Variants in CLEC4F observed in about 807,000 individuals in gnomAD.
CLEC4F encodes C-type (calcium dependent, carbohydrate-recognition domain) lectin, superfamily member 13.
A neutral mutation model predicts 53.4 loss-of-function variants in CLEC4F; 45 were observed. That is an observed-to-expected ratio of 0.84 (90% confidence interval 0.66 to 1.08). The LOEUF is 1.08. CLEC4F is among the 50% of genes least tolerant of loss of function. The probability of loss-of-function intolerance (pLI) is 0.00; values close to 1 mark genes in which losing one functional copy is unlikely to be tolerated. For synonymous variants in CLEC4F, 245 were observed against 257.5 expected (o/e 0.95, Z 0.46); for missense variants, 753 against 698.2 (o/e 1.08, Z -0.88).
Position 70,816,166 on chromosome 2 carries a change from G to A in CLEC4F, c.1215C>T (p.Ser405=). 1 of 1,614,180 alleles carries A rather than the reference G, an allele frequency of 6.2e-7. No homozygotes were observed. The highest frequency in any genetic ancestry group is 8.5e-7 in the Non-Finnish European group (1 of 1,180,044). The part of the protein sequence containing the change: ...QGMKNASALT[S]QTQMLDSNLQ... ...GATTGCTGTCTAACATCTGGGTCTG[G>A]GAAGTTAAGGCTGAAGCATTCTTCA... Residue 405 remains serine (S), a synonymous_variant, in exon 4 of 7, where the codon TCC becomes TCT. Coordinates refer to ENST00000272367, the MANE Select transcript of CLEC4F (RefSeq NM_173535.3).
chr2:70,822,546 C>G (rs944591457), upstream of CLEC4F, among the ~76,000 whole-genome samples: 4 of 152,142 alleles, frequency 2.6e-5, no homozygotes, highest in Admixed American at 6.5e-5. Flanking sequence ...TGTCCCTGTC[C>G]CTGCCACAGG....
At chr2:70,824,080 G>T (rs1265647174), upstream of CLEC4F, among the ~76,000 whole-genome samples, 1 of 148,992 alleles carries the variant, frequency 6.7e-6, no homozygotes, top group South Asian at 2.2e-4. Flanking sequence ...TGGGACTAAA[G>T]CCAAACCAGA....
chr2:70,823,304 C>G (rs1677273316), upstream of CLEC4F, among the ~76,000 whole-genome samples: 1 of 152,182 alleles, frequency 6.6e-6, no homozygotes, highest in African/African-American at 2.4e-5. Context: ...GCCTGAGATC[C>G]CAGTGGTGTC....
chr2:70,820,267 G>C (rs72907960), intron 1 of CLEC4F, among the ~76,000 whole-genome samples, 196 bp downstream of exon 1: 8,669 of 152,296 alleles, frequency 0.057, 866 homozygotes, highest in African/African-American at 0.2. Flanking sequence ...GACCAGCTCA[G>C]TGTGCAGAGC....
chr2:70,822,651 G>T (rs1422054038), upstream of CLEC4F, among the ~76,000 whole-genome samples: 1 of 152,174 alleles, frequency 6.6e-6, no homozygotes, highest in Non-Finnish European at 1.5e-5. Context: ...CTGTTCTTTG[G>T]TTCCTTCTTG....
At chr2:70,820,381 A>T in intron 1 of CLEC4F, 82 bp downstream of exon 1, 2 of 1,282,836 alleles carry the variant, frequency 1.6e-6, no homozygotes, top group Non-Finnish European at 1.1e-6. Flanking sequence ...TAAGACAGCA[A>T]TAAGCTGCCT....
At position 70,817,119 on chromosome 2, in the gene CLEC4F, G is replaced by T; in HGVS notation, c.269-7C>A. On this transcript the variant is annotated splice_region_variant and splice_polypyrimidine_tract_variant and intron_variant, in intron 3 of 6. Coordinates refer to ENST00000272367, the MANE Select transcript of CLEC4F (RefSeq NM_173535.3). ...CTGCCAAAGTGGTGATGATCTGGAG[G>T]GAGGAAGTGAAGAAGGCAGCCAAAG... 2 of 1,601,056 alleles carry T rather than the reference G, an allele frequency of 1.2e-6. No homozygotes were observed. Among genetic ancestry groups the T allele is most frequent in the Non-Finnish European group, 1.7e-6 (2 of 1,177,202 alleles).
chr2:70,811,373 G>T, intron 5 of CLEC4F: 1 of 825,914 alleles, frequency 1.2e-6, no homozygotes, highest in Non-Finnish European at 2.0e-6. Flanking sequence ...CTAGTGTACT[G>T]TCCATTTTAT....
chr2:70,818,545 A>G (rs1677053335), intron 3 of CLEC4F, among the ~76,000 whole-genome samples: 1 of 152,054 alleles, frequency 6.6e-6, no homozygotes, highest in Non-Finnish European at 1.5e-5. Context: ...CTCCGTCTCT[A>G]CTAAAAATAC....
intron 6 of CLEC4F, 45 bp from the exon 7 acceptor site, chr2:70,809,427 C>A (rs372234797): frequency 1.9e-6 from 3 of 1,548,156 alleles, no homozygotes; most frequent in Admixed American, 3.9e-5. Flanking sequence ...CACTCACTGG[C>A]TGCATGCCAG....
At chr2:70,824,717 T>A (rs1574389574), upstream of CLEC4F, among the ~76,000 whole-genome samples, 1 of 150,338 alleles carries the variant, frequency 6.7e-6, no homozygotes. Flanking sequence ...CAGAGCAATT[T>A]GAGCAAAAAC....
At chr2:70,817,889 C>T (rs78240920) in intron 3 of CLEC4F, among the ~76,000 whole-genome samples, 4,194 of 152,264 alleles carry the variant, frequency 0.028, 180 homozygotes, top group African/African-American at 0.095. Flanking sequence ...AAAGGCCTTG[C>T]GCTGGGGTCG....
chr2:70,817,035 C>A lies in CLEC4F; in HGVS notation c.346G>T (p.Ala116Ser), dbSNP rs781787197. The change falls in exon 4 of 7, where the codon GCC (alanine) becomes TCC (serine). Residue 116 changes from alanine (A) to serine (S), a missense_variant. Transcript: ENST00000272367. ...AACATCTGGATTTCTACTACCCAGG[C>A]ACTGGAATTCTCCATGTGGCCTTTA... is the stretch of plus-strand genomic sequence containing the variant. ...TFKGHMENSS[A>S]WVVEIQMLKC... 6.2e-7 allele frequency: 1 copy of A among 1,614,120 alleles called. No individual in the cohort carries two copies. The highest frequency in any genetic ancestry group is 1.1e-5 in the South Asian group (1 of 91,086).
rs1553396022 is a variant in CLEC4F at position 70,816,502 on chromosome 2, C to A, written c.879G>T (p.Gln293His). ...AEIQGLKENL[Q>H]NTNALNSQTQ... ...TCTGGGAGTTTAAAGCATTTGTGTT[C>A]TGCAAATTTTCCTTTAGTCCCTGGA... Residue 293 changes from glutamine (Q) to histidine (H), a missense_variant, in exon 4 of 7, where the codon CAG becomes CAT. Coordinates refer to ENST00000272367, the MANE Select transcript of CLEC4F (RefSeq NM_173535.3). 6.2e-7 allele frequency: 1 copy of A among 1,614,128 alleles called. No individual in the cohort carries two copies. The highest frequency in any genetic ancestry group is 1.1e-5 in the South Asian group (1 of 91,076).
At chr2:70,819,591 G>C (rs1464825039) in intron 2 of CLEC4F, 147 bp from the exon 3 acceptor site, 1 of 902,850 alleles carries the variant, frequency 1.1e-6, no homozygotes, top group East Asian at 2.5e-5. Flanking sequence ...CAGTTCTTGG[G>C]AGGCTCCCCC....
chr2:70,809,045 G>A lies in CLEC4F; in HGVS notation c.*226C>T. ...CAGTCTTCAGTCTGCCCATTCTTGT[G>A]CCGCCAGTTGTCAGACTGATTCTTT... is the stretch of plus-strand genomic sequence containing the variant. On this transcript the variant is annotated 3_prime_UTR_variant, in exon 7 of 7. Coordinates refer to ENST00000272367, the MANE Select transcript of CLEC4F (RefSeq NM_173535.3). The A allele has an allele frequency of 6.6e-7, 1 of 1,512,008 alleles. No individual in the cohort carries two copies. Among genetic ancestry groups the A allele is most frequent in the Non-Finnish European group, 8.9e-7 (1 of 1,124,992 alleles). 93.7% of individuals were successfully genotyped at this position (1,512,008 alleles called of 1,614,324 possible).
intron 3 of CLEC4F, among the ~76,000 whole-genome samples, chr2:70,818,020 C>A (rs1158929719): frequency 6.6e-6 from 1 of 152,222 alleles, no homozygotes; most frequent in Non-Finnish European, 1.5e-5. Flanking sequence ...TAATCTCACA[C>A]ATCCATGATC....
intron 4 of CLEC4F, among the ~76,000 whole-genome samples, chr2:70,812,920 T>G (rs1206470996): frequency 2.6e-5 from 4 of 152,150 alleles, no homozygotes; most frequent in African/African-American, 9.7e-5. Context: ...CCACCCCAAC[T>G]CCTGCCATCT....
intron 4 of CLEC4F, among the ~76,000 whole-genome samples, chr2:70,814,647 C>T (rs1676793077): frequency 6.6e-6 from 1 of 152,086 alleles, no homozygotes; most frequent in South Asian, 2.1e-4. Flanking sequence ...CATTAGTTTA[C>T]TGTCTTTTTC....
Sources: gnomAD v4.1 joint callset for allele counts (sites outside exome capture counted in the v4.1 genomes callset) on GRCh38, gnomAD v4.1.1 for gene constraint, MANE v1.5 for transcripts, NCBI Gene and HGNC (gene_info 2026-07-23, HGNC 2026-07-21) for gene names.